Variants in DNAH8 observed in about 807,000 individuals in gnomAD.
DNAH8 encodes dynein axonemal heavy chain 8, also known as axonemal beta dynein heavy chain 8.
In DNAH8, 382 loss-of-function variants were observed where a neutral mutation model predicts 562.1. The observed-to-expected ratio is 0.68, with a 90% CI of 0.63 to 0.74. The LOEUF is 0.74. Among genes scored for constraint, DNAH8 ranks in the 30% least tolerant of loss-of-function variants. The pLI, the probability that DNAH8 is intolerant of heterozygous loss-of-function variation, is 0.00. For synonymous variants in DNAH8, 1,881 were observed against 1,919.4 expected, an observed-to-expected ratio of 0.98 and a Z score of 0.52; for missense variants, 5,203 against 5,620.4, an observed-to-expected ratio of 0.93 and a Z score of 2.37.
intron 88 of DNAH8, among the ~76,000 whole-genome samples, chr6:39,002,855 G>A (rs574946177): frequency 2.0e-5 from 3 of 152,232 alleles, no homozygotes; most frequent in Non-Finnish European, 2.9e-5. Context: ...TAGGACCCTC[G>A]TATCACTGTA....
intron 38 of DNAH8, among the ~76,000 whole-genome samples, chr6:38,850,636 C>T (rs1775668262): frequency 6.6e-6 from 1 of 152,150 alleles, no homozygotes; most frequent in Non-Finnish European, 1.5e-5. Context: ...AACAAATTTC[C>T]ACAGACAGTT....
At chr6:38,841,887 G>C (rs1774832494) in intron 33 of DNAH8, among the ~76,000 whole-genome samples, 1 of 152,074 alleles carries the variant, frequency 6.6e-6, no homozygotes, top group African/African-American at 2.4e-5. Context: ...CTGGCCACAT[G>C]AGGGAAAACT....
chr6:38,930,771 T>C (rs1782495573), intron 75 of DNAH8, among the ~76,000 whole-genome samples: 1 of 152,186 alleles, frequency 6.6e-6, no homozygotes, highest in Non-Finnish European at 1.5e-5. Context: ...GATGATTTGG[T>C]ATACATATAC....
chr6:38,773,100 A>C (rs1046199208), intron 12 of DNAH8, among the ~76,000 whole-genome samples: 1 of 149,388 alleles, frequency 6.7e-6, no homozygotes, highest in African/African-American at 2.5e-5. Flanking sequence ...TATAGGCATG[A>C]GCCACTGTGC....
chr6:38,966,513 G>A (rs1386379625), intron 82 of DNAH8, among the ~76,000 whole-genome samples: 1 of 152,084 alleles, frequency 6.6e-6, no homozygotes, highest in East Asian at 1.9e-4. Context: ...ACCAAATGCA[G>A]ACAAAGACAT....
intron 32 of DNAH8, 115 bp downstream of exon 32, chr6:38,834,756 C>T: frequency 1.3e-6 from 1 of 752,842 alleles, no homozygotes; most frequent in East Asian, 2.6e-5. Flanking sequence ...TACATCAGTC[C>T]TTAATTGTAT....
intron 82 of DNAH8, among the ~76,000 whole-genome samples, chr6:38,964,703 T>C (rs992250091): frequency 3.9e-5 from 6 of 152,142 alleles, no homozygotes; most frequent in Non-Finnish European, 8.8e-5. Flanking sequence ...CATTAAAAAC[T>C]GTTTTCTGAT....
Position 39,005,715 on chromosome 6 carries a change from A to G in DNAH8, c.13215-3099A>G, listed in dbSNP as rs912828779. Among the ~76,000 whole-genome samples, 5 of 152,174 alleles carry G rather than the reference A, an allele frequency of 3.3e-5. No homozygotes were observed. The South Asian group carries it at 8.3e-4, about 25-fold the overall frequency. ...AGAGAGTTTTGTTTGGCACACAATT[A>G]TAGGTATATAGTTATTTTATCCTAG... On this transcript the variant is annotated intron_variant, in intron 88 of 92. Coordinates refer to ENST00000327475, the MANE Select transcript of DNAH8 (RefSeq NM_001206927.2).
chr6:38,873,498 T>C lies in DNAH8; in HGVS notation c.7620+122T>C, dbSNP rs1170850367. 7.3e-6 allele frequency: 6 copies of C among 822,792 alleles called. No homozygotes were observed. The East Asian group carries it at 1.1e-4, about 15-fold the overall frequency. 51.0% of individuals were successfully genotyped at this position (822,792 alleles called of 1,614,324 possible). A position where few individuals can be genotyped will look rare whatever the true frequency, so the allele number is the denominator to read the frequency against. ...CATAAAAATCATTTGATGATGTGGC[T>C]GTAAAAGCTCTGATAATTTTGATTT... On this transcript the variant is annotated intron_variant, in intron 52 of 92. Coordinates refer to ENST00000327475, the MANE Select transcript of DNAH8 (RefSeq NM_001206927.2).
rs1775226080 is a variant in DNAH8, at chr6:38,845,555, C to T, written c.4846-19C>T. On this transcript the variant is annotated intron_variant, in intron 35 of 92. Transcript: ENST00000327475. ...GTAGTTGAAAACATCATGACATATA[C>T]TTTGCTTTTCCTTCAAAGGATATTT... 5 of 1,599,052 alleles carry T rather than the reference C, an allele frequency of 3.1e-6. No homozygotes were observed. The highest frequency in any genetic ancestry group is 4.3e-6 in the Non-Finnish European group (5 of 1,166,718).
At chr6:38,791,293 GC>G (rs1232477842) in intron 20 of DNAH8, among the ~76,000 whole-genome samples, 2 of 152,136 alleles carry the variant, frequency 1.3e-5, no homozygotes, top group Non-Finnish European at 2.9e-5. Flanking sequence ...GGATATCAGT[GC>G]CTCCTGTGCT....
Position 38,879,883 on chromosome 6 carries a change from A to C in DNAH8, c.7859-3027A>C, listed in dbSNP as rs1033580610. Among the ~76,000 whole-genome samples the C allele has an allele frequency of 2.6e-5, 4 of 152,350 alleles. No homozygotes were observed. The South Asian group carries it at 8.3e-4, about 32-fold the overall frequency. ...AAAAGGGCCATACATTTGATAAGTT[A>C]TATTTCTATATGCTCACAACAAACA... On this transcript the variant is annotated intron_variant, in intron 53 of 92. Transcript: ENST00000327475.
intron 8 of DNAH8, among the ~76,000 whole-genome samples, chr6:38,742,341 C>T (rs151293834): frequency 5.3e-5 from 8 of 152,152 alleles, no homozygotes; most frequent in African/African-American, 1.9e-4. Context: ...TTCTGTCACT[C>T]GGGTGGGGTG....
At chr6:38,772,029 CTT>C (rs34980133) in intron 12 of DNAH8, among the ~76,000 whole-genome samples, 19 of 131,884 alleles carry the variant, frequency 1.4e-4, no homozygotes, top group African/African-American at 3.1e-4. Flanking sequence ...TTTATGATTT[CTT>C]TTTTTTTTTT....
intron 59 of DNAH8, 42 bp from the exon 60 acceptor site, chr6:38,895,991 G>A: frequency 6.5e-7 from 1 of 1,539,596 alleles, no homozygotes; most frequent in Non-Finnish European, 8.9e-7. Flanking sequence ...TAGAAAAGAT[G>A]CTTTCATATT....
At chr6:38,937,347 A>C (rs1035453087) in intron 77 of DNAH8, among the ~76,000 whole-genome samples, 2 of 126,994 alleles carry the variant, frequency 1.6e-5, no homozygotes, top group African/African-American at 2.5e-5. Flanking sequence ...CAGAACTTAA[A>C]GTATAATAAA....
intron 53 of DNAH8, among the ~76,000 whole-genome samples, chr6:38,880,741 A>G (rs9394548): frequency 0.24 from 36,578 of 152,180 alleles, 5,128 homozygotes; most frequent in Non-Finnish European, 0.33. Flanking sequence ...TAAAACTCCA[A>G]TGGGGTCTGG....
rs1403621404 is a variant in DNAH8 at position 38,937,536 on chromosome 6, C to T, written c.11564-438C>T. ...ACCATTCAACTATCAGCATGACAGTCAGCCCATGTGTGAAGTGTTCAGGTT... is the reference window on the plus strand; with the variant it reads ...ACCATTCAACTATCAGCATGACAGTTAGCCCATGTGTGAAGTGTTCAGGTT... On this transcript the variant is annotated intron_variant, in intron 77 of 92. Coordinates refer to ENST00000327475, the MANE Select transcript of DNAH8 (RefSeq NM_001206927.2). Among the ~76,000 whole-genome samples the T allele has an allele frequency of 2.0e-5, 3 of 152,124 alleles. No individual in the cohort carries two copies. The East Asian group carries it at 5.8e-4, about 29-fold the overall frequency.
intron 41 of DNAH8, among the ~76,000 whole-genome samples, chr6:38,856,449 G>A (rs943756978): frequency 6.6e-6 from 1 of 152,144 alleles, no homozygotes; most frequent in African/African-American, 2.4e-5. Context: ...TTTGGGGTCT[G>A]CTGGTCTATT....
Sources: gnomAD v4.1 joint callset for allele counts (sites outside exome capture counted in the v4.1 genomes callset) on GRCh38, gnomAD v4.1.1 for gene constraint, MANE v1.5 for transcripts, NCBI Gene and HGNC (gene_info 2026-07-23, HGNC 2026-07-21) for gene names.